SARNP: variants seen among roughly 807,000 people sequenced by gnomAD.
SARNP encodes SAP domain-containing ribonucleoprotein.
In SARNP, 5 loss-of-function variants were observed where a neutral mutation model predicts 38.1. The ratio of observed to expected loss-of-function variants is 0.13; its 90% CI spans 0.07 to 0.28. The LOEUF (loss-of-function observed/expected upper bound fraction) is 0.28. Ranked by LOEUF, SARNP falls within the 10% of genes least tolerant of loss-of-function variation. The pLI is 1.00. For missense variants in SARNP, 180 were observed against 243.9 expected (o/e 0.74, Z 1.75); for synonymous variants, 84 against 80.6 (o/e 1.04, Z -0.23).
At chr12:55,761,077 T>A (rs1174949641) in intron 9 of SARNP, among the ~76,000 whole-genome samples, 1 of 151,896 alleles carries the variant, frequency 6.6e-6, no homozygotes, top group Non-Finnish European at 1.5e-5. Context: ...CTAGGGAGGC[T>A]GAGGCAGAGA....
chr12:55,788,151 C>A (rs937062109), intron 9 of SARNP, among the ~76,000 whole-genome samples: 35 of 152,216 alleles, frequency 2.3e-4, no homozygotes, highest in African/African-American at 7.5e-4. Context: ...GATTAAGAGA[C>A]CACCTGCTCT....
intron 1 of SARNP, among the ~76,000 whole-genome samples, chr12:55,813,826 G>T (rs534823796): frequency 6.6e-5 from 10 of 152,280 alleles, no homozygotes; most frequent in African/African-American, 2.4e-4. Context: ...TTACAAGCGT[G>T]AGCCACTGCA....
intron 7 of SARNP, among the ~76,000 whole-genome samples, chr12:55,792,380 T>C (rs910847341): frequency 9.2e-5 from 14 of 152,120 alleles, no homozygotes; most frequent in African/African-American, 3.1e-4. Flanking sequence ...ATGTTCTTTT[T>C]GTTTTTTTGA....
intron 9 of SARNP, among the ~76,000 whole-genome samples, chr12:55,777,596 G>C (rs758419873): frequency 4.1e-4 from 62 of 151,994 alleles, no homozygotes; most frequent in Admixed American, 3.9e-3. Context: ...GGATGTTCTC[G>C]ATCTCCTGAC....
chr12:55,786,818 C>T (rs1394742974), intron 9 of SARNP, among the ~76,000 whole-genome samples: 1 of 152,164 alleles, frequency 6.6e-6, no homozygotes, highest in African/African-American at 2.4e-5. Flanking sequence ...TACTCTGCCT[C>T]TCAACTTCAA....
At chr12:55,809,543 C>T (rs1419670859) in intron 1 of SARNP, among the ~76,000 whole-genome samples, 1 of 151,992 alleles carries the variant, frequency 6.6e-6, no homozygotes, top group Non-Finnish European at 1.5e-5. Flanking sequence ...TCACTTGAGC[C>T]TAGGAGTTCA....
intron 9 of SARNP, among the ~76,000 whole-genome samples, chr12:55,782,208 G>A (rs1369696736): frequency 1.3e-5 from 2 of 152,196 alleles, no homozygotes; most frequent in Non-Finnish European, 2.9e-5. Context: ...ATGTACTAAG[G>A]TCAATAAGGA....
chr12:55,754,794 G>C (rs563311816), downstream of SARNP: 2 of 152,276 alleles, frequency 1.3e-5, no homozygotes, highest in South Asian at 4.1e-4. Context: ...GGTTCCTTTT[G>C]GTACAGTCTG....
intron 1 of SARNP, among the ~76,000 whole-genome samples, chr12:55,806,274 A>C (rs1378909805): frequency 6.7e-6 from 1 of 150,314 alleles, no homozygotes; most frequent in Non-Finnish European, 1.5e-5. Flanking sequence ...AATTAAAAAA[A>C]ATTTTTTTTT....
intron 1 of SARNP, among the ~76,000 whole-genome samples, chr12:55,808,817 T>C (rs890606315): frequency 6.6e-6 from 1 of 150,640 alleles, no homozygotes; most frequent in African/African-American, 2.5e-5. Context: ...CTGAAAATGA[T>C]GTAATTTCTT....
intron 9 of SARNP, among the ~76,000 whole-genome samples, chr12:55,774,565 AAAAAAAAAACAAAC>A (rs1242008884): frequency 2.2e-5 from 2 of 89,160 alleles, no homozygotes; most frequent in Admixed American, 1.4e-4. Context: ...TACTGAAAAA[AAAAAAAAAACAAAC>A]AAAAAAAAAA....
At chr12:55,807,254 C>G (rs954058379) in intron 1 of SARNP, among the ~76,000 whole-genome samples, 3 of 152,194 alleles carry the variant, frequency 2.0e-5, no homozygotes, top group African/African-American at 7.2e-5. Flanking sequence ...TTTCTAAAAG[C>G]TTACACTCGG....
intron 9 of SARNP, among the ~76,000 whole-genome samples, chr12:55,770,573 A>G (rs1400797719): frequency 6.6e-6 from 1 of 152,016 alleles, no homozygotes; most frequent in East Asian, 1.9e-4. Flanking sequence ...GGTTCTTAGC[A>G]ATGATTTCCA....
At chr12:55,776,264 C>T (rs1238070464) in intron 9 of SARNP, among the ~76,000 whole-genome samples, 1 of 152,014 alleles carries the variant, frequency 6.6e-6, no homozygotes, top group Non-Finnish European at 1.5e-5. Context: ...AATAGGGAGA[C>T]CCTGTCTCTG....
intron 9 of SARNP, among the ~76,000 whole-genome samples, chr12:55,774,382 C>T (rs898828114): frequency 6.6e-6 from 1 of 151,776 alleles, no homozygotes; most frequent in African/African-American, 2.4e-5. Context: ...TAACTGACTC[C>T]TCTATACCCC....
At chr12:55,782,853 G>A (rs904192456) in intron 9 of SARNP, among the ~76,000 whole-genome samples, 9 of 152,194 alleles carry the variant, frequency 5.9e-5, no homozygotes, top group African/African-American at 2.2e-4. Flanking sequence ...GCTCATGGCC[G>A]TAATCTCAGC....
rs1189272615 is a variant in SARNP at position 55,800,544 on chromosome 12, T to C, written c.251+18A>G. The C allele has an allele frequency of 3.2e-6, 5 of 1,539,464 alleles. No individual in the cohort carries two copies. In the South Asian group the frequency reaches 3.4e-5, roughly 11 times the overall value. On this transcript the variant is annotated intron_variant, in intron 4 of 10. Coordinates refer to ENST00000336133, the MANE Select transcript of SARNP (RefSeq NM_033082.4). Reference sequence around the variant, plus strand: ...AGCTGCCTGCTCTGTACTCAGATTATAAAAAAGGGATAATTACACATCAAC... The same window carrying C: ...AGCTGCCTGCTCTGTACTCAGATTACAAAAAAGGGATAATTACACATCAAC...
chr12:55,768,047 G>T (rs2694013), intron 9 of SARNP, among the ~76,000 whole-genome samples: 3 of 152,062 alleles, frequency 2.0e-5, no homozygotes, highest in Non-Finnish European at 4.4e-5. Flanking sequence ...GGTTGTGGAA[G>T]AACAGTTACT....
At chr12:55,778,877 A>G (rs988102457) in intron 9 of SARNP, among the ~76,000 whole-genome samples, 1 of 152,200 alleles carries the variant, frequency 6.6e-6, no homozygotes, top group Non-Finnish European at 1.5e-5. Flanking sequence ...AGGCTGAGGC[A>G]GGAGAATCAC....
Sources: gnomAD v4.1 joint callset for allele counts (sites outside exome capture counted in the v4.1 genomes callset) on GRCh38, gnomAD v4.1.1 for gene constraint, MANE v1.5 for transcripts, NCBI Gene and HGNC (gene_info 2026-07-23, HGNC 2026-07-21) for gene names.